The following PRDM5 variants were observed in gnomAD, a reference collection of about 807,000 sequenced individuals.
The protein encoded by PRDM5 is PR/SET domain 5.
In PRDM5, 56 loss-of-function variants were observed where a neutral mutation model predicts 81.2. The ratio of observed to expected loss-of-function variants is 0.69; its 90% confidence interval spans 0.56 to 0.86. The LOEUF is 0.86. PRDM5 is among the 40% of genes least tolerant of loss of function. The pLI is 0.00. For synonymous variants in PRDM5, 267 were observed against 256.4 expected, an observed-to-expected ratio of 1.04 and a Z score of -0.39; for missense variants, 697 against 770.1, an observed-to-expected ratio of 0.91 and a Z score of 1.12.
intron 2 of PRDM5, chr4:120,896,019 A>G (rs1238069905): frequency 1.3e-5 from 2 of 152,026 alleles, no homozygotes; most frequent in African/African-American, 4.8e-5. Context: ...TTGTGGCAAG[A>G]CACTGTCTCT....
At position 120,834,708 on chromosome 4, in the gene PRDM5, G is replaced by C. The variant is rs540422529; in HGVS notation, c.301-13363C>G. On this transcript the variant is annotated intron_variant, in intron 3 of 15. Transcript: ENST00000264808. Reference sequence around the variant, plus strand: ...TCAGTAGAGTAGACTCAGTAAAGCAGATTACCCTAAAAAGTGTAGGTGGGC... The same window carrying C: ...TCAGTAGAGTAGACTCAGTAAAGCACATTACCCTAAAAAGTGTAGGTGGGC... Among the ~76,000 whole-genome samples, 6 of 152,222 alleles carry C rather than the reference G, an allele frequency of 3.9e-5. No individual in the cohort carries two copies. The South Asian group carries it at 1.2e-3, about 32-fold the overall frequency.
intron 15 of PRDM5, among the ~76,000 whole-genome samples, chr4:120,707,577 CA>C (rs368583235): frequency 8.1e-5 from 12 of 147,904 alleles, no homozygotes; most frequent in African/African-American, 1.7e-4. Flanking sequence ...CAAAAACAAA[CA>C]AAAAAAAACA....
chr4:120,876,866 G>A (rs1017295796), intron 2 of PRDM5, among the ~76,000 whole-genome samples: 3 of 152,026 alleles, frequency 2.0e-5, no homozygotes, highest in Admixed American at 6.6e-5. Context: ...TATATAACTT[G>A]AGTAAAATAC....
chr4:120,841,905 A>T, intron 3 of PRDM5, among the ~76,000 whole-genome samples: 1 of 152,240 alleles, frequency 6.6e-6, no homozygotes, highest in East Asian at 1.9e-4. Context: ...GATATAGCCC[A>T]GTTCCAGTAT....
intron 13 of PRDM5, among the ~76,000 whole-genome samples, chr4:120,764,858 T>C (rs1746156768): frequency 6.6e-6 from 1 of 152,202 alleles, no homozygotes; most frequent in African/African-American, 2.4e-5. Flanking sequence ...GGTTTAATGT[T>C]AGTAATGAGA....
At chr4:120,818,548 A>G in intron 4 of PRDM5, 21 bp from the exon 5 acceptor site, 1 of 1,604,566 alleles carries the variant, frequency 6.2e-7, no homozygotes. Context: ...ACAAGGAAAC[A>G]TATTCATGAG....
At chr4:120,906,276 A>C (rs549319286) in intron 2 of PRDM5, among the ~76,000 whole-genome samples, 36 of 152,220 alleles carry the variant, frequency 2.4e-4, no homozygotes, top group African/African-American at 8.4e-4. Flanking sequence ...GCTTGTATAG[A>C]TACATTGGAT....
chr4:120,744,435 C>T (rs1431527261), intron 14 of PRDM5, among the ~76,000 whole-genome samples: 1 of 151,842 alleles, frequency 6.6e-6, no homozygotes, highest in Non-Finnish European at 1.5e-5. Context: ...AAAATCAGAG[C>T]AGAACTGAAG....
At chr4:120,727,628 T>C (rs577734951) in intron 14 of PRDM5, among the ~76,000 whole-genome samples, 43 of 152,236 alleles carry the variant, frequency 2.8e-4, no homozygotes, top group Non-Finnish European at 5.4e-4. Flanking sequence ...AGAAAAGTAT[T>C]TTGCATTTTG....
chr4:120,695,360 G>A, intron 15 of PRDM5, 85 bp from the exon 16 acceptor site: 1 of 1,438,582 alleles, frequency 7.0e-7, no homozygotes, highest in Non-Finnish European at 9.7e-7. Flanking sequence ...TATTGGCAAA[G>A]AAAATTAATA....
At chr4:120,821,492 G>T in intron 3 of PRDM5, 147 bp from the exon 4 acceptor site, 1 of 738,968 alleles carries the variant, frequency 1.4e-6, no homozygotes, top group Non-Finnish European at 2.2e-6. Flanking sequence ...TGCTGAAAAA[G>T]GCAGGTGACA....
At chr4:120,828,603 C>A (rs2149363729) in intron 3 of PRDM5, among the ~76,000 whole-genome samples, 1 of 152,116 alleles carries the variant, frequency 6.6e-6, no homozygotes, top group African/African-American at 2.4e-5. Flanking sequence ...CATTTATGGG[C>A]TGAAGGGAAT....
intron 1 of PRDM5, among the ~76,000 whole-genome samples, chr4:120,913,264 G>C (rs764032905): frequency 6.6e-6 from 1 of 152,342 alleles, no homozygotes. Flanking sequence ...CCTGGAATAT[G>C]AGCATGATAG....
intron 14 of PRDM5, among the ~76,000 whole-genome samples, chr4:120,744,241 A>C (rs1469315140): frequency 2.0e-5 from 3 of 152,096 alleles, no homozygotes; most frequent in Non-Finnish European, 2.9e-5. Context: ...ATGAGAACAA[A>C]GACACAACTT....
chr4:120,717,713 A>G (rs906482608), intron 14 of PRDM5, among the ~76,000 whole-genome samples: 4 of 152,198 alleles, frequency 2.6e-5, no homozygotes, highest in Non-Finnish European at 5.9e-5. Flanking sequence ...GGATGGGTCA[A>G]CCTCGGATCC....
chr4:120,808,759 G>A (rs749825650), intron 8 of PRDM5, among the ~76,000 whole-genome samples: 2 of 152,206 alleles, frequency 1.3e-5, no homozygotes, highest in African/African-American at 4.8e-5. Context: ...TCCCCTACAG[G>A]GAGGTAGCTA....
intron 14 of PRDM5, among the ~76,000 whole-genome samples, chr4:120,742,359 A>C (rs894348897): frequency 1.1e-4 from 17 of 152,328 alleles, no homozygotes; most frequent in African/African-American, 2.9e-4. Flanking sequence ...GGAAACTCTA[A>C]AAAGCAGAGC....
At chr4:120,715,540 T>A (rs754405687) in intron 14 of PRDM5, among the ~76,000 whole-genome samples, 1 of 152,188 alleles carries the variant, frequency 6.6e-6, no homozygotes, top group Non-Finnish European at 1.5e-5. Context: ...TCCACAGTTT[T>A]TCAAAAACTT....
chr4:120,792,377 T>C (rs970414701), intron 10 of PRDM5, among the ~76,000 whole-genome samples: 9 of 152,182 alleles, frequency 5.9e-5, no homozygotes, highest in African/African-American at 2.2e-4. Context: ...CAAAACTGAC[T>C]ACCAGACATG....
Sources: gnomAD v4.1 joint callset for allele counts (sites outside exome capture counted in the v4.1 genomes callset) on GRCh38, gnomAD v4.1.1 for gene constraint, MANE v1.5 for transcripts, NCBI Gene and HGNC (gene_info 2026-07-23, HGNC 2026-07-21) for gene names.